Variants in SOCS5 observed in about 807,000 individuals in gnomAD.
SOCS5 encodes CIS-6.
In SOCS5, 32 loss-of-function variants were observed where a neutral mutation model predicts 42.8. That is an observed-to-expected ratio of 0.75 (90% CI 0.56 to 1.01). SOCS5 has a LOEUF of 1.01. SOCS5 is among the 50% of genes least tolerant of loss of function. The pLI is 0.00. For missense variants in SOCS5, 627 were observed against 653.0 expected (o/e 0.96, Z 0.43); for synonymous variants, 283 against 229.6 (o/e 1.23, Z -2.10).
chr2:46,748,019 T>C (rs1673542490), intron 1 of SOCS5, among the ~76,000 whole-genome samples: 1 of 152,288 alleles, frequency 6.6e-6, no homozygotes, highest in Admixed American at 6.5e-5. Context: ...CTAAGCTGTA[T>C]TACTTGGAGT....
chr2:46,741,015 A>G (rs1477738015), intron 1 of SOCS5, among the ~76,000 whole-genome samples: 1 of 152,182 alleles, frequency 6.6e-6, no homozygotes, highest in Non-Finnish European at 1.5e-5. Context: ...TGTTTGAGAA[A>G]GTCACGCTGG....
intron 1 of SOCS5, among the ~76,000 whole-genome samples, chr2:46,700,905 A>G (rs1280382909): frequency 6.6e-6 from 1 of 152,194 alleles, no homozygotes; most frequent in Non-Finnish European, 1.5e-5. Context: ...ACGGTTTACA[A>G]AATGAAAGCT....
rs773889273 is a variant in SOCS5 at position 46,758,606 on chromosome 2, C to T, written c.76C>T (p.Arg26Cys). Reference protein sequence around the residue: ...QNLFGHEGGSRSENVDMNSNR... With the variant: ...QNLFGHEGGSCSENVDMNSNR... ...TCTCTTCGGTCATGAGGGAGGAAGC[C>T]GTAGTGAAAATGTGGACATGAACTC... Residue 26 changes from arginine to cysteine, a missense_variant, in exon 2 of 2, where the codon CGT (arginine) becomes TGT (cysteine). Transcript: ENST00000394861. The T allele has an allele frequency of 7.4e-6, 12 of 1,613,466 alleles. No homozygotes were observed. The highest frequency in any genetic ancestry group is 1.7e-4 in the Middle Eastern group (1 of 6,054).
chr2:46,749,253 C>G (rs551136557), intron 1 of SOCS5, among the ~76,000 whole-genome samples: 1 of 152,306 alleles, frequency 6.6e-6, no homozygotes, highest in Admixed American at 6.5e-5. Context: ...AACAGCCTTA[C>G]TTTTTGTTAC....
At chr2:46,710,625 A>AAGGGCATCTATT (rs1672597433) in intron 1 of SOCS5, among the ~76,000 whole-genome samples, 1 of 152,238 alleles carries the variant, frequency 6.6e-6, no homozygotes, top group Non-Finnish European at 1.5e-5. Flanking sequence ...CAGTCTGATA[A>AAGGGCATCTATT]AGGGCATCTA....
intron 1 of SOCS5, among the ~76,000 whole-genome samples, chr2:46,717,890 A>G (rs753594859): frequency 4.6e-5 from 7 of 152,076 alleles, no homozygotes; most frequent in Non-Finnish European, 1.0e-4. Flanking sequence ...CTTTCCCTAG[A>G]TGTTATTCTT....
At chr2:46,706,549 C>A (rs1370307655) in intron 1 of SOCS5, among the ~76,000 whole-genome samples, 1 of 152,118 alleles carries the variant, frequency 6.6e-6, no homozygotes, top group East Asian at 1.9e-4. Context: ...GTTTTAGTCA[C>A]CTCTGGTGAC....
intron 1 of SOCS5, among the ~76,000 whole-genome samples, chr2:46,733,766 C>A (rs1673180600): frequency 6.6e-6 from 1 of 152,126 alleles, no homozygotes; most frequent in Admixed American, 6.5e-5. Flanking sequence ...TATTTTCCCA[C>A]AGTGCTCCTT....
chr2:46,707,708 A>G (rs1410180451), intron 1 of SOCS5, among the ~76,000 whole-genome samples: 4 of 152,216 alleles, frequency 2.6e-5, no homozygotes, highest in Admixed American at 2.6e-4. Flanking sequence ...CATAAAGAGA[A>G]TAGTCTGGAG....
At chr2:46,718,313 G>T (rs1347735035) in intron 1 of SOCS5, among the ~76,000 whole-genome samples, 1 of 152,182 alleles carries the variant, frequency 6.6e-6, no homozygotes, top group African/African-American at 2.4e-5. Flanking sequence ...GAAAGTGGAA[G>T]TTTAGGAGTT....
chr2:46,712,895 A>G (rs1672660320), intron 1 of SOCS5, among the ~76,000 whole-genome samples: 1 of 152,052 alleles, frequency 6.6e-6, no homozygotes, highest in Non-Finnish European at 1.5e-5. Flanking sequence ...TATCAGAGTT[A>G]TGCTGACTTT....
rs752866954 is a variant in SOCS5 at position 46,759,001 on chromosome 2, C to T, written c.471C>T (p.Gly157=). ...SGLQRRERRY[G]VSSVHDMDSV... ...TTCAAAGGAGAGAGAGGCGCTACGG[C>T]GTAAGTTCTGTACACGACATGGACA... is the stretch of plus-strand genomic sequence containing the variant. The change falls in exon 2 of 2, where the codon GGC becomes GGT. Residue 157 remains glycine, a synonymous_variant. Coordinates refer to ENST00000394861, the MANE Select transcript of SOCS5 (RefSeq NM_144949.3). 9.9e-6 allele frequency: 16 copies of T among 1,613,814 alleles called. No homozygotes were observed. The highest frequency in any genetic ancestry group is 4.4e-5 in the South Asian group (4 of 91,076).
At chr2:46,749,723 G>A (rs1188142691) in intron 1 of SOCS5, among the ~76,000 whole-genome samples, 1 of 152,054 alleles carries the variant, frequency 6.6e-6, no homozygotes, top group Non-Finnish European at 1.5e-5. Context: ...GTACAGATTA[G>A]CTATCCTTAG....
Position 46,709,133 on chromosome 2 carries a change from C to T in SOCS5, c.-13+9684C>T, listed in dbSNP as rs933869464. On this transcript the variant is annotated intron_variant, in intron 1 of 1. Transcript: ENST00000394861. ...TTTCTTGACCTCGCGATCCGCCCGCCTTGGCCTCCCAAAGTGCTGCGATTA... is the reference window on the plus strand; with the variant it reads ...TTTCTTGACCTCGCGATCCGCCCGCTTTGGCCTCCCAAAGTGCTGCGATTA... 2.6e-5 allele frequency among the ~76,000 whole-genome samples: 4 copies of T among 152,142 alleles called. No individual in the cohort carries two copies. The East Asian group carries it at 5.8e-4, about 22-fold the overall frequency.
rs1672305626 is a variant in SOCS5, at chr2:46,699,982, G to T, written c.-13+533G>T. Among the ~76,000 whole-genome samples, 1 of 152,144 alleles carries T rather than the reference G, an allele frequency of 6.6e-6. No homozygotes were observed. The highest frequency in any genetic ancestry group is 1.5e-5 in the Non-Finnish European group (1 of 68,024). ...ACCAATGAGTACATATGTGGGAAAT[G>T]AATTGAGTGCCCCGGGAGGTTTAAC... On this transcript the variant is annotated intron_variant, in intron 1 of 1. Coordinates refer to ENST00000394861, the MANE Select transcript of SOCS5 (RefSeq NM_144949.3). This position sits in a 1 kb window ranked among gnomAD's most constrained non-coding sequence, Gnocchi z 4.8.
rs549124769 is a variant in SOCS5, at chr2:46,728,182, A to G, written c.-13+28733A>G. ...CAGGATACAAGAGGAGAAAAAAGTAAACTTACCACTGGTTCCATGCTACCA... is the reference window on the plus strand; with the variant it reads ...CAGGATACAAGAGGAGAAAAAAGTAGACTTACCACTGGTTCCATGCTACCA... On this transcript the variant is annotated intron_variant, in intron 1 of 1. Transcript: ENST00000394861. 9.9e-5 allele frequency among the ~76,000 whole-genome samples: 15 copies of G among 152,214 alleles called. No homozygotes were observed. In the South Asian group the frequency reaches 3.1e-3, roughly 32 times the overall value.
At position 46,699,548 on chromosome 2, in the gene SOCS5, C is replaced by G. The variant is rs951861526; in HGVS notation, c.-13+99C>G. On this transcript the variant is annotated intron_variant, in intron 1 of 1. Coordinates refer to ENST00000394861, the MANE Select transcript of SOCS5 (RefSeq NM_144949.3). The surrounding 1 kb of genome is among the most constrained non-coding windows in gnomAD (Gnocchi z 4.8). ...TCGGTGCCCCAGTGCCCGCGCCCGGCGCATTCCGCCCCCGGCTGTCGCCCC... is the reference window on the plus strand; with the variant it reads ...TCGGTGCCCCAGTGCCCGCGCCCGGGGCATTCCGCCCCCGGCTGTCGCCCC... The G allele has an allele frequency of 6.6e-6, 1 of 151,704 alleles. No individual in the cohort carries two copies. The highest frequency in any genetic ancestry group is 1.5e-5 in the Non-Finnish European group (1 of 67,842). 9.4% of individuals were successfully genotyped at this position (151,704 alleles called of 1,614,324 possible).
At chr2:46,715,860 A>G (rs542899075) in intron 1 of SOCS5, among the ~76,000 whole-genome samples, 2 of 152,146 alleles carry the variant, frequency 1.3e-5, no homozygotes, top group South Asian at 2.1e-4. Flanking sequence ...TTAGCCATCT[A>G]TCTTGAAGTT....
chr2:46,727,164 T>C (rs1231559646), intron 1 of SOCS5, among the ~76,000 whole-genome samples: 2 of 147,540 alleles, frequency 1.4e-5, no homozygotes, highest in Non-Finnish European at 3.0e-5. Context: ...TTTTTTTTTT[T>C]TTGAAACGGA....
Sources: allele counts gnomAD v4.1 joint callset (sites outside exome capture counted in the v4.1 genomes callset), GRCh38; gene constraint gnomAD v4.1.1; non-coding constraint Gnocchi (gnomAD v3.1); transcripts MANE v1.5; gene names NCBI Gene and HGNC (gene_info 2026-07-23, HGNC 2026-07-21).